The following PDZD2 variants were observed in gnomAD, a reference collection of about 807,000 sequenced individuals.
PDZD2 encodes the protein PDZ domain-containing protein 2.
In PDZD2, 90 loss-of-function variants were observed where a neutral mutation model predicts 220.7. That is an observed-to-expected ratio of 0.41 (90% confidence interval 0.34 to 0.49). The LOEUF (loss-of-function observed/expected upper bound fraction) is 0.49, where lower values mean the gene tolerates loss of function less well. Among genes scored for constraint, PDZD2 ranks in the 20% least tolerant of loss-of-function variants. PDZD2 has a pLI of 0.28. For synonymous variants in PDZD2, 1,375 were observed against 1,450.5 expected, an observed-to-expected ratio of 0.95 and a Z score of 1.18; for missense variants, 3,174 against 3,608.5, an observed-to-expected ratio of 0.88 and a Z score of 3.08.
chr5:31,883,774 G>A (rs1469159108), intron 2 of PDZD2, among the ~76,000 whole-genome samples: 1 of 151,882 alleles, frequency 6.6e-6, no homozygotes, highest in Non-Finnish European at 1.5e-5. Context: ...GCTAATTTTT[G>A]TATTTTTAGT....
chr5:32,066,715 A>G (rs1399173100), intron 14 of PDZD2, among the ~76,000 whole-genome samples: 4 of 152,250 alleles, frequency 2.6e-5, no homozygotes, highest in Admixed American at 6.5e-5. Flanking sequence ...CTTCAAAATA[A>G]CAGCATAACA....
At chr5:32,105,598 C>T (rs1255295878) in intron 24 of PDZD2, among the ~76,000 whole-genome samples, 1 of 152,144 alleles carries the variant, frequency 6.6e-6, no homozygotes, top group Admixed American at 6.5e-5. Context: ...TATATACTAA[C>T]TGGGACCGGC....
At chr5:32,049,524 C>G (rs1266602358) in intron 8 of PDZD2, among the ~76,000 whole-genome samples, 1 of 152,180 alleles carries the variant, frequency 6.6e-6, no homozygotes, top group African/African-American at 2.4e-5. Context: ...GAGGCAGGCC[C>G]TTACTTTTGG....
At position 31,750,237 on chromosome 5, in the gene PDZD2, T is replaced by C. The variant is rs1485947130; in HGVS notation, c.-360-48652T>C. Among the ~76,000 whole-genome samples, 4 of 152,136 alleles carry C rather than the reference T, an allele frequency of 2.6e-5. No individual in the cohort carries two copies. In the East Asian group the frequency reaches 7.7e-4, roughly 29 times the overall value. On this transcript the variant is annotated intron_variant, in intron 1 of 24. Coordinates refer to ENST00000438447, the MANE Select transcript of PDZD2 (RefSeq NM_178140.4). ...CCACTTGAGAAAGTCCTCACTCTTG[T>C]CCGACTTGATCTCCACCACCAGTGG...
At position 31,659,205 on chromosome 5, in the gene PDZD2, C is replaced by T. The variant is rs546704760; in HGVS notation, c.-361+19768C>T. ...CCTCTCCATGGAGCCCTTTAATTTA[C>T]TTTTGCAAAACCTTTATTCTCCCTC... On this transcript the variant is annotated intron_variant, in intron 1 of 24. Coordinates refer to ENST00000438447, the MANE Select transcript of PDZD2 (RefSeq NM_178140.4). 4.6e-5 allele frequency among the ~76,000 whole-genome samples: 7 copies of T among 152,280 alleles called. No individual in the cohort carries two copies. In the South Asian group the frequency reaches 1.4e-3, roughly 32 times the overall value.
intron 2 of PDZD2, among the ~76,000 whole-genome samples, chr5:31,932,340 G>T (rs1327062799): frequency 6.6e-6 from 1 of 152,150 alleles, no homozygotes; most frequent in Admixed American, 6.5e-5. Flanking sequence ...CCTGAGGTCA[G>T]GAGTTCGAGA....
At chr5:31,903,199 C>A (rs192489508) in intron 2 of PDZD2, among the ~76,000 whole-genome samples, 1 of 150,652 alleles carries the variant, frequency 6.6e-6, no homozygotes, top group Non-Finnish European at 1.5e-5. Flanking sequence ...GAGGCTGAGG[C>A]GGGAAAATCG....
chr5:32,067,282 T>G (rs1740302216), intron 14 of PDZD2, among the ~76,000 whole-genome samples: 1 of 152,202 alleles, frequency 6.6e-6, no homozygotes, highest in Admixed American at 6.5e-5. Context: ...TAACTTATGT[T>G]AAGTGGAAGA....
chr5:31,923,736 AAAAT>A, intron 2 of PDZD2, among the ~76,000 whole-genome samples: 1 of 152,334 alleles, frequency 6.6e-6, no homozygotes, highest in South Asian at 2.1e-4. Context: ...CAATGTTAAA[AAAAT>A]AAAAATAAAA....
intron 14 of PDZD2, among the ~76,000 whole-genome samples, chr5:32,064,895 GA>G (rs2112359349): frequency 6.6e-6 from 1 of 152,286 alleles, no homozygotes; most frequent in East Asian, 1.9e-4. Context: ...TTGAACCCAG[GA>G]GATGGAGGTT....
chr5:31,902,487 CTTT>C (rs35993323), intron 2 of PDZD2, among the ~76,000 whole-genome samples: 1 of 136,746 alleles, frequency 7.3e-6, no homozygotes, highest in Non-Finnish European at 1.6e-5. Flanking sequence ...ACTTTTTTTT[CTTT>C]TTTTTTTTTT....
intron 1 of PDZD2, among the ~76,000 whole-genome samples, chr5:31,687,459 A>C (rs183615943): frequency 2.6e-5 from 4 of 152,048 alleles, no homozygotes; most frequent in African/African-American, 9.7e-5. Flanking sequence ...ATCCATATTG[A>C]TGTTATTCAG....
chr5:31,926,522 A>C (rs1439607480), intron 2 of PDZD2, among the ~76,000 whole-genome samples: 1 of 92,050 alleles, frequency 1.1e-5, no homozygotes, highest in Admixed American at 1.3e-4. Context: ...TAGAAACTGC[A>C]TCTGAAAAAA....
intron 2 of PDZD2, among the ~76,000 whole-genome samples, chr5:31,886,448 C>G (rs1008759075): frequency 1.3e-5 from 2 of 152,114 alleles, no homozygotes; most frequent in Admixed American, 6.6e-5. Flanking sequence ...CCTCTCTCCT[C>G]TCTCCTCTCT....
In PDZD2 at chr5:31,759,483, T is replaced by G. The variant is rs140140219; in HGVS notation, c.-360-39406T>G. ...CCAAAAGTGGGAGGTGGGAATGGTT[T>G]GGGAAAACACAGATACACATACCCA... On this transcript the variant is annotated intron_variant, in intron 1 of 24. Transcript: ENST00000438447. 4.1e-3 allele frequency among the ~76,000 whole-genome samples: 616 copies of G among 152,064 alleles called. 3 individuals are homozygous for G. The highest frequency in any genetic ancestry group is 0.013 in the African/African-American group (555 of 41,480).
intron 1 of PDZD2, among the ~76,000 whole-genome samples, chr5:31,793,965 G>A (rs971190982): frequency 1.3e-5 from 2 of 152,138 alleles, no homozygotes; most frequent in Admixed American, 6.6e-5. Context: ...TGTGATTTCA[G>A]CGTGCTCATT....
At position 32,025,591 on chromosome 5, in the gene PDZD2, C is replaced by CTTTTTTTTTTTTTTTTTTTTTGTTTTTT. The variant is rs1754585530; in HGVS notation, c.1408-11619_1408-11618insGTTTTTTTTTTTTTTTTTTTTTTTTTTT. 3.0e-5 allele frequency among the ~76,000 whole-genome samples: 2 copies of CTTTTTTTTTTTTTTTTTTTTTGTTTTTT among 67,508 alleles called. 1 individual carries two copies. Among genetic ancestry groups the CTTTTTTTTTTTTTTTTTTTTTGTTTTTT allele is most frequent in the African/African-American group, 1.3e-4 (2 of 15,228 alleles). The allele number at this position is 67,508 out of a possible 152,430, so 44.3% of individuals were successfully genotyped here. A position where few individuals can be genotyped will look rare whatever the true frequency, so the allele number is the denominator to read the frequency against. ...AGTGAGCCCAAATGTAACCATGATG[C>CTTTTTTTTTTTTTTTTTTTTTGTTTTTT]TTTTTTTTTTTTTTTTTTTTTTTTT... On this transcript the variant is annotated intron_variant, in intron 6 of 24. Transcript: ENST00000438447.
intron 1 of PDZD2, among the ~76,000 whole-genome samples, chr5:31,761,633 G>T (rs1240672479): frequency 6.6e-6 from 1 of 151,918 alleles, no homozygotes; most frequent in African/African-American, 2.4e-5. Flanking sequence ...GGCCAAGGTG[G>T]GCGGATCACC....
intron 5 of PDZD2, among the ~76,000 whole-genome samples, chr5:32,003,288 A>C (rs1246308853): frequency 8.8e-6 from 1 of 113,308 alleles, no homozygotes; most frequent in Non-Finnish European, 1.8e-5. Flanking sequence ...CCACACACAC[A>C]CCACAGCAAA....
Sources: allele counts gnomAD v4.1 joint callset (sites outside exome capture counted in the v4.1 genomes callset), GRCh38; gene constraint gnomAD v4.1.1; transcripts MANE v1.5; gene names NCBI Gene and HGNC (gene_info 2026-07-23, HGNC 2026-07-21).